YY1: variants seen among roughly 807,000 people sequenced by gnomAD.
The protein encoded by YY1 is YY1 transcription factor.
YY1 carries 2 observed loss-of-function variants against 35.6 expected under a neutral mutation model. The ratio of observed to expected loss-of-function variants is 0.06; its 90% CI spans 0.02 to 0.18. YY1 has a LOEUF of 0.18. Among genes scored for constraint, YY1 ranks in the 10% least tolerant of loss-of-function variants. The pLI, the probability that YY1 is intolerant of heterozygous loss-of-function variation, is 1.00. For synonymous variants in YY1, 268 were observed against 238.9 expected (o/e 1.12, Z -1.12); for missense variants, 322 against 573.4 (o/e 0.56, Z 4.48).
intron 2 of YY1, among the ~76,000 whole-genome samples, chr14:100,273,706 TGA>T (rs1891279451): frequency 6.6e-6 from 1 of 151,992 alleles, no homozygotes; most frequent in Non-Finnish European, 1.5e-5. Context: ...TGGAGGGGTG[TGA>T]GAGGGGTAAA....
Position 100,281,061 on chromosome 14 carries a change from C to CAAAA in YY1, c.*3484_*3487dup, listed in dbSNP as rs36009825. 9.9e-6 allele frequency: 1 copy of CAAAA among 100,896 alleles called. No individual in the cohort carries two copies. Among genetic ancestry groups the CAAAA allele is most frequent in the Non-Finnish European group, 1.8e-5 (1 of 55,730 alleles). The allele number at this position is 100,896 out of a possible 1,614,324, so 6.3% of individuals were successfully genotyped here. A position where few individuals can be genotyped will look rare whatever the true frequency, so the allele number is the denominator to read the frequency against. On this transcript the variant is annotated 3_prime_UTR_variant, in exon 5 of 5. Coordinates refer to ENST00000262238, the MANE Select transcript of YY1 (RefSeq NM_003403.5). ...GGTGACAGAGCAAGACTCCGTCTCC[C>CAAAA]AAAAAAAAAAAAAAAAAAAAAAAAA... is the stretch of plus-strand genomic sequence containing the variant.
intron 1 of YY1, among the ~76,000 whole-genome samples, chr14:100,250,512 A>G (rs1890908453): frequency 6.6e-6 from 1 of 152,162 alleles, no homozygotes; most frequent in Admixed American, 6.5e-5. Flanking sequence ...TCACAGGAAA[A>G]ATTACCATCA....
At chr14:100,251,169 A>T (rs1890919077) in intron 1 of YY1, among the ~76,000 whole-genome samples, 1 of 152,122 alleles carries the variant, frequency 6.6e-6, no homozygotes. Flanking sequence ...GGGCTCTTGG[A>T]ATAGGGAGAG....
intron 1 of YY1, among the ~76,000 whole-genome samples, chr14:100,253,670 G>A (rs185535003): frequency 9.2e-5 from 14 of 152,208 alleles, no homozygotes; most frequent in Admixed American, 2.0e-4. Context: ...GGGATTATAG[G>A]CGTGAGCCAG....
chr14:100,248,362 TC>T (rs1161246209), intron 1 of YY1, among the ~76,000 whole-genome samples: 1 of 152,140 alleles, frequency 6.6e-6, no homozygotes, highest in African/African-American at 2.4e-5. Flanking sequence ...GACCTCGTGA[TC>T]CGCCCGCCTT....
chr14:100,242,120 T>C (rs571668394), intron 1 of YY1, among the ~76,000 whole-genome samples: 9 of 152,258 alleles, frequency 5.9e-5, no homozygotes, highest in African/African-American at 2.2e-4. Context: ...GTAAATTTAC[T>C]TTTTCTCATA....
chr14:100,241,667 A>G (rs1037169261), intron 1 of YY1, among the ~76,000 whole-genome samples: 1 of 152,212 alleles, frequency 6.6e-6, no homozygotes, highest in African/African-American at 2.4e-5. Flanking sequence ...CATACTGATC[A>G]TGTTGGAACT....
chr14:100,249,960 A>T (rs1595316523), intron 1 of YY1, among the ~76,000 whole-genome samples: 1 of 151,866 alleles, frequency 6.6e-6, no homozygotes, highest in African/African-American at 2.4e-5. Context: ...TTTAGTAGAG[A>T]TGGGGTTTCT....
chr14:100,240,825 C>G (rs115832518), intron 1 of YY1, among the ~76,000 whole-genome samples: 3 of 151,744 alleles, frequency 2.0e-5, no homozygotes, highest in Non-Finnish European at 4.4e-5. Flanking sequence ...GTATTTAGCT[C>G]TTCTGAATAG....
At chr14:100,270,967 T>C (rs1420136009) in intron 2 of YY1, among the ~76,000 whole-genome samples, 4 of 150,138 alleles carry the variant, frequency 2.7e-5, no homozygotes, top group Non-Finnish European at 5.9e-5. Context: ...AAAAATAGGC[T>C]GGGCGCGGTG....
At chr14:100,262,898 T>C (rs1405711585) in intron 2 of YY1, among the ~76,000 whole-genome samples, 1 of 152,074 alleles carries the variant, frequency 6.6e-6, no homozygotes, top group Non-Finnish European at 1.5e-5. Flanking sequence ...TATGGCTTCT[T>C]GGTACACATT....
At position 100,247,045 on chromosome 14, in the gene YY1, G is replaced by A. The variant is rs79479916; in HGVS notation, c.679+7122G>A. On this transcript the variant is annotated intron_variant, in intron 1 of 4. Transcript: ENST00000262238. ...CCCCCTAGTGGGAAAAGAAAAATCC[G>A]TATCAGGAAAAGGTCAGGGTTCCTG... 5.7e-3 allele frequency among the ~76,000 whole-genome samples: 868 copies of A among 152,244 alleles called. 10 individuals are homozygous for A. The highest frequency in any genetic ancestry group is 0.02 in the African/African-American group (836 of 41,556).
rs371172873 is a variant in YY1, at chr14:100,263,010, C to T, written c.842+544C>T. Among the ~76,000 whole-genome samples, 36 of 152,262 alleles carry T rather than the reference C, an allele frequency of 2.4e-4. No individual in the cohort carries two copies. The East Asian group carries it at 6.0e-3, about 25-fold the overall frequency. Reference sequence around the variant, plus strand: ...GCAACCTCCACCTCCCTGGTTCAAGCGATTCTCCTGCCTCAGCCTCCCAAG... The same window carrying T: ...GCAACCTCCACCTCCCTGGTTCAAGTGATTCTCCTGCCTCAGCCTCCCAAG... On this transcript the variant is annotated intron_variant, in intron 2 of 4. Transcript: ENST00000262238.
intron 2 of YY1, among the ~76,000 whole-genome samples, chr14:100,270,456 C>CAAAAAAA (rs34083329): frequency 5.1e-5 from 5 of 98,068 alleles, no homozygotes; most frequent in South Asian, 3.2e-4. Context: ...ACTAAAAATA[C>CAAAAAAA]AAAAAAAAAA....
At chr14:100,240,756 T>G (rs1890725667) in intron 1 of YY1, among the ~76,000 whole-genome samples, 1 of 152,218 alleles carries the variant, frequency 6.6e-6, no homozygotes. Context: ...GGCCTGTGAA[T>G]GTTAGCGAAT....
chr14:100,239,514 C>G lies in YY1; in HGVS notation c.270C>G (p.Val90=). 6.2e-7 allele frequency: 1 copy of G among 1,611,414 alleles called. No individual in the cohort carries two copies. The highest frequency in any genetic ancestry group is 1.1e-5 in the South Asian group (1 of 91,002). The change falls in exon 1 of 5, where the codon GTC becomes GTG. Residue 90 remains valine (V), a synonymous_variant. Coordinates refer to ENST00000262238, the MANE Select transcript of YY1 (RefSeq NM_003403.5). The stretch of plus-strand genomic sequence containing the variant: ...CCATGATCGCTCTGCAGCCGCTGGT[C>G]ACCGACGACCCGACCCAGGTGCACC... ...HPPMIALQPL[V]TDDPTQVHHH...
intron 1 of YY1, among the ~76,000 whole-genome samples, chr14:100,261,553 G>T (rs1319785840): frequency 6.6e-6 from 1 of 152,156 alleles, no homozygotes; most frequent in East Asian, 1.9e-4. Context: ...AAATGCACGG[G>T]ATCAAAACTG....
At chr14:100,254,617 C>T (rs995754648) in intron 1 of YY1, among the ~76,000 whole-genome samples, 6 of 152,078 alleles carry the variant, frequency 3.9e-5, no homozygotes, top group African/African-American at 1.4e-4. Context: ...GCCACCACAC[C>T]TGCTAAATTT....
At position 100,239,641 on chromosome 14, in the gene YY1, A is replaced by T; in HGVS notation, c.397A>T (p.Ile133Phe). ...GGACGGCTTCGAGGATCAGATTCTC[A>T]TCCCGGTGCCCGCGCCGGCCGGCGG... ...AEDGFEDQIL[I>F]PVPAPAGGDD... is the part of the protein sequence containing the mutation. The change falls in exon 1 of 5, where the codon ATC becomes TTC. Residue 133 changes from isoleucine (I) to phenylalanine (F), a missense_variant. By Grantham distance (21) the Ile-to-Phe change is conservative. Coordinates refer to ENST00000262238, the MANE Select transcript of YY1 (RefSeq NM_003403.5). 6.2e-7 allele frequency: 1 copy of T among 1,610,680 alleles called. No individual in the cohort carries two copies. Among genetic ancestry groups the T allele is most frequent in the South Asian group, 1.1e-5 (1 of 91,036 alleles).
Sources: gnomAD v4.1 joint callset for allele counts (sites outside exome capture counted in the v4.1 genomes callset) on GRCh38, gnomAD v4.1.1 for gene constraint, MANE v1.5 for transcripts, NCBI Gene and HGNC (gene_info 2026-07-23, HGNC 2026-07-21) for gene names.